RALYL: variants seen among roughly 807,000 people sequenced by gnomAD.
RALYL encodes the protein RNA-binding Raly-like protein.
In RALYL, 29 loss-of-function variants were observed where a neutral mutation model predicts 35.1. The ratio of observed to expected loss-of-function variants is 0.83; its 90% confidence interval spans 0.61 to 1.13. RALYL has a LOEUF of 1.13. Among genes scored for constraint, RALYL ranks in the 50% most tolerant of loss-of-function variants. The pLI is 0.00. For synonymous variants in RALYL, 120 were observed against 127.6 expected (o/e 0.94, Z 0.40); for missense variants, 359 against 360.4 (o/e 1.00, Z 0.03).
At chr8:84,659,838 A>T (rs1233407064) in intron 2 of RALYL, among the ~76,000 whole-genome samples, 1 of 152,224 alleles carries the variant, frequency 6.6e-6, no homozygotes, top group Non-Finnish European at 1.5e-5. Flanking sequence ...CAAAATTTAA[A>T]ATTATAGATA....
At chr8:84,913,740 C>G (rs571371326) in intron 8 of RALYL, among the ~76,000 whole-genome samples, 1 of 151,738 alleles carries the variant, frequency 6.6e-6, no homozygotes, top group East Asian at 1.9e-4. Context: ...TTATATCCAG[C>G]ATAATTTGAG....
chr8:84,678,258 T>G (rs1208747520), intron 2 of RALYL, among the ~76,000 whole-genome samples: 2 of 151,920 alleles, frequency 1.3e-5, no homozygotes, highest in African/African-American at 2.4e-5. Context: ...TTTTTGTTGT[T>G]TTTTTGTTTT....
intron 1 of RALYL, among the ~76,000 whole-genome samples, chr8:84,440,077 G>A (rs975244456): frequency 1.3e-5 from 2 of 151,982 alleles, no homozygotes; most frequent in African/African-American, 2.4e-5. Context: ...TTATGATTAA[G>A]GCAGAATGTT....
At chr8:84,455,224 ATGT>A (rs1428040350) in intron 1 of RALYL, among the ~76,000 whole-genome samples, 1 of 152,012 alleles carries the variant, frequency 6.6e-6, no homozygotes, top group Non-Finnish European at 1.5e-5. Flanking sequence ...TGCTTTCTTC[ATGT>A]TAACCCTTTT....
chr8:84,452,252 A>C (rs2049569701), intron 1 of RALYL, among the ~76,000 whole-genome samples: 1 of 149,324 alleles, frequency 6.7e-6, no homozygotes, highest in African/African-American at 2.5e-5. Context: ...TTTTTCCCCT[A>C]AGTTGCTAAC....
intron 1 of RALYL, among the ~76,000 whole-genome samples, chr8:84,238,074 C>A (rs1826999701): frequency 6.6e-6 from 1 of 151,778 alleles, no homozygotes; most frequent in Non-Finnish European, 1.5e-5. Context: ...AAATTAATAA[C>A]CGTAATGTTA....
intron 8 of RALYL, among the ~76,000 whole-genome samples, chr8:84,903,302 T>C (rs895443995): frequency 2.0e-5 from 3 of 152,190 alleles, no homozygotes; most frequent in Non-Finnish European, 4.4e-5. Flanking sequence ...CTAATCAAGA[T>C]AAAACAGTTG....
intron 4 of RALYL, among the ~76,000 whole-genome samples, chr8:84,841,604 T>A (rs1225745527): frequency 6.6e-6 from 1 of 152,170 alleles, no homozygotes; most frequent in African/African-American, 2.4e-5. Context: ...AACTCAGCTC[T>A]GCACCAAGAG....
intron 2 of RALYL, among the ~76,000 whole-genome samples, chr8:84,560,120 C>A (rs2135568580): frequency 6.6e-6 from 1 of 151,818 alleles, no homozygotes; most frequent in Non-Finnish European, 1.5e-5. Context: ...TCTAAAGTAA[C>A]TACAAGGTCT....
At chr8:84,784,376 C>T (rs1818883325) in intron 3 of RALYL, among the ~76,000 whole-genome samples, 1 of 151,390 alleles carries the variant, frequency 6.6e-6, no homozygotes, top group Admixed American at 6.6e-5. Context: ...AGAAACCAAA[C>T]AGCCCTTTTT....
At chr8:84,746,221 A>C (rs938165732) in intron 2 of RALYL, among the ~76,000 whole-genome samples, 1 of 152,060 alleles carries the variant, frequency 6.6e-6, no homozygotes, top group Admixed American at 6.6e-5. Flanking sequence ...AATAGCAAAA[A>C]CAATCAATGT....
At chr8:84,440,298 T>C (rs1164738149) in intron 1 of RALYL, among the ~76,000 whole-genome samples, 1 of 152,116 alleles carries the variant, frequency 6.6e-6, no homozygotes, top group African/African-American at 2.4e-5. Flanking sequence ...TTTCATGACA[T>C]CTGAAATTTT....
chr8:84,791,977 C>G (rs73299222), intron 3 of RALYL, among the ~76,000 whole-genome samples: 5,282 of 152,192 alleles, frequency 0.035, 321 homozygotes, highest in African/African-American at 0.12. Flanking sequence ...TGCACTCAAA[C>G]CCCTTAAGGG....
intron 1 of RALYL, among the ~76,000 whole-genome samples, chr8:84,338,957 C>A (rs1266110738): frequency 6.6e-6 from 1 of 151,962 alleles, no homozygotes; most frequent in Non-Finnish European, 1.5e-5. Context: ...ATATAACAAA[C>A]CTATTTTATA....
intron 2 of RALYL, among the ~76,000 whole-genome samples, chr8:84,665,388 G>A (rs1831801012): frequency 6.6e-6 from 1 of 151,998 alleles, no homozygotes; most frequent in African/African-American, 2.4e-5. Flanking sequence ...AATTTCAGTA[G>A]GAATTGTACC....
chr8:84,657,918 A>C (rs1283447630), intron 2 of RALYL, among the ~76,000 whole-genome samples: 2 of 152,132 alleles, frequency 1.3e-5, no homozygotes, highest in Non-Finnish European at 2.9e-5. Flanking sequence ...TACACCTATG[A>C]GAAACAAAAA....
At chr8:84,371,425 G>GTA (rs552352069) in intron 1 of RALYL, among the ~76,000 whole-genome samples, 328 of 151,972 alleles carry the variant, frequency 2.2e-3, no homozygotes, top group African/African-American at 7.6e-3. Flanking sequence ...CTTCCTCCTT[G>GTA]TATTTCTGCA....
At chr8:84,710,404 C>A (rs1399637933) in intron 2 of RALYL, among the ~76,000 whole-genome samples, 2 of 152,034 alleles carry the variant, frequency 1.3e-5, no homozygotes, top group African/African-American at 4.8e-5. Context: ...CAGGTTCAAG[C>A]GATTCTCCTT....
chr8:84,197,413 A>G (rs1815593199), intron 1 of RALYL, among the ~76,000 whole-genome samples: 1 of 152,202 alleles, frequency 6.6e-6, no homozygotes, highest in Non-Finnish European at 1.5e-5. Context: ...ACTTTCATAC[A>G]AAGAAGATAA....
Sources: allele counts gnomAD v4.1 joint callset (sites outside exome capture counted in the v4.1 genomes callset), GRCh38; gene constraint gnomAD v4.1.1; transcripts MANE v1.5; gene names NCBI Gene and HGNC (gene_info 2026-07-23, HGNC 2026-07-21).